The following MS4A5 variants were observed in gnomAD, a reference collection of about 807,000 sequenced individuals.
MS4A5 encodes membrane-spanning 4-domains subfamily A member 5.
MS4A5 carries 15 observed loss-of-function variants against 18.2 expected under a neutral mutation model. The ratio of observed to expected loss-of-function variants is 0.83; its 90% CI spans 0.55 to 1.27. The LOEUF (loss-of-function observed/expected upper bound fraction) is 1.27. Among genes scored for constraint, MS4A5 ranks in the 50% most tolerant of loss-of-function variants. MS4A5 has a pLI of 0.00. For missense variants in MS4A5, 232 were observed against 225.7 expected (o/e 1.03, Z -0.18); for synonymous variants, 89 against 78.7 (o/e 1.13, Z -0.69).
At chr11:60,444,544 C>A (rs1259188825) in intron 4 of MS4A5, among the ~76,000 whole-genome samples, 1 of 152,000 alleles carries the variant, frequency 6.6e-6, no homozygotes, top group Admixed American at 6.6e-5. Context: ...AGACCCACAT[C>A]CAGAATATAT....
At chr11:60,445,528 AG>A (rs2086134253) in intron 4 of MS4A5, among the ~76,000 whole-genome samples, 1 of 152,134 alleles carries the variant, frequency 6.6e-6, no homozygotes, top group South Asian at 2.1e-4. Flanking sequence ...CCAAAGTGCT[AG>A]GATTACAGGC....
chr11:60,432,457 C>T lies in MS4A5; in HGVS notation c.329C>T (p.Thr110Ile), dbSNP rs760538367. 1 of 1,585,628 alleles carries T rather than the reference C, an allele frequency of 6.3e-7. No homozygotes were observed. The highest frequency in any genetic ancestry group is 8.6e-7 in the Non-Finnish European group (1 of 1,157,026). ...CTAATTGCAGTGAAAAGAAAAACCA[C>T]AGAAACTCTGGTGAGTTATATTCTT... The part of the protein sequence containing the change: ...AFLIAVKRKT[T>I]ETLIILSRIM... The change falls in exon 3 of 5, where the codon ACA (threonine) becomes ATA (isoleucine). Residue 110 changes from threonine to isoleucine, a missense_variant. Coordinates refer to ENST00000300190, the MANE Select transcript of MS4A5 (RefSeq NM_023945.3).
intron 1 of MS4A5, 131 bp downstream of exon 1, chr11:60,429,958 TG>T: frequency 1.2e-6 from 1 of 859,028 alleles, no homozygotes; most frequent in Non-Finnish European, 1.7e-6. Flanking sequence ...TATAGAGTGT[TG>T]GTGGGCCATT....
intron 2 of MS4A5, among the ~76,000 whole-genome samples, chr11:60,431,899 G>C (rs1336213875): frequency 6.6e-6 from 1 of 152,154 alleles, no homozygotes. Context: ...AAACATGGAA[G>C]TGCTGTAATC....
chr11:60,438,525 A>G (rs1422207821), intron 4 of MS4A5, among the ~76,000 whole-genome samples: 4 of 152,178 alleles, frequency 2.6e-5, no homozygotes, highest in Non-Finnish European at 4.4e-5. Flanking sequence ...ATAGACTGCT[A>G]GCAAGACTAA....
chr11:60,437,756 C>G (rs1421324109), intron 4 of MS4A5, among the ~76,000 whole-genome samples: 1 of 151,412 alleles, frequency 6.6e-6, no homozygotes, highest in African/African-American at 2.4e-5. Flanking sequence ...AATACAGGAG[C>G]ACCAAGATTC....
At chr11:60,445,724 G>T (rs1209255260) in intron 4 of MS4A5, among the ~76,000 whole-genome samples, 1 of 152,156 alleles carries the variant, frequency 6.6e-6, no homozygotes, top group Admixed American at 6.5e-5. Flanking sequence ...TATGAGGAAA[G>T]AATTTACAAA....
At chr11:60,432,383 T>G (rs777423185) in intron 2 of MS4A5, 28 bp from the exon 3 acceptor site, 1 of 1,467,634 alleles carries the variant, frequency 6.8e-7, no homozygotes, top group Non-Finnish European at 9.4e-7. Context: ...AACATGGTCA[T>G]CATTAACATA....
chr11:60,446,113 G>A (rs1374282746), intron 4 of MS4A5, among the ~76,000 whole-genome samples: 2 of 152,076 alleles, frequency 1.3e-5, no homozygotes, highest in Non-Finnish European at 2.9e-5. Context: ...GAAAAAAAGA[G>A]GAAATCAATC....
At chr11:60,435,572 G>A (rs893369367) in intron 4 of MS4A5, 35 of 329,558 alleles carry the variant, frequency 1.1e-4, no homozygotes, top group African/African-American at 1.8e-4. Flanking sequence ...CAGTGGGTGC[G>A]TGCACCCTGC....
chr11:60,437,307 G>A (rs1262050744), intron 4 of MS4A5, among the ~76,000 whole-genome samples: 3 of 150,036 alleles, frequency 2.0e-5, no homozygotes, highest in Admixed American at 6.7e-5. Flanking sequence ...GGTACCAGCC[G>A]CTGCAAAATC....
chr11:60,447,520 A>G (rs1348672125), intron 4 of MS4A5, 129 bp from the exon 5 acceptor site: 1 of 602,050 alleles, frequency 1.7e-6, no homozygotes, highest in African/African-American at 1.9e-5. Flanking sequence ...ATTCCTAAGC[A>G]TCAGATACAC....
At chr11:60,432,246 T>C (rs2086052899) in intron 2 of MS4A5, among the ~76,000 whole-genome samples, 165 bp from the exon 3 acceptor site, 1 of 152,182 alleles carries the variant, frequency 6.6e-6, no homozygotes, top group South Asian at 2.1e-4. Context: ...TGTCCACTAT[T>C]CCATTTGTGG....
chr11:60,438,417 T>C (rs1317587141), intron 4 of MS4A5, among the ~76,000 whole-genome samples: 1 of 151,562 alleles, frequency 6.6e-6, no homozygotes, highest in Non-Finnish European at 1.5e-5. Context: ...AAGAAATAAC[T>C]AAAATCAGAG....
chr11:60,441,351 G>C (rs11230328), intron 4 of MS4A5, among the ~76,000 whole-genome samples: 97,137 of 106,622 alleles, frequency 0.91, 44,584 homozygotes, highest in Middle Eastern at 0.96. Context: ...GTGGGTGCAG[G>C]GCACCAGCAT....
At chr11:60,442,965 A>C (rs2086121827) in intron 4 of MS4A5, among the ~76,000 whole-genome samples, 1 of 152,152 alleles carries the variant, frequency 6.6e-6, no homozygotes, top group Non-Finnish European at 1.5e-5. Context: ...ACATGGTGAA[A>C]CACCATCTCT....
intron 2 of MS4A5, among the ~76,000 whole-genome samples, chr11:60,431,488 T>C (rs776285622): frequency 6.6e-6 from 1 of 152,160 alleles, no homozygotes; most frequent in Non-Finnish European, 1.5e-5. Context: ...GGCAGAGCAA[T>C]GGCTTCAGGG....
At chr11:60,441,597 C>T (rs1384819490) in intron 4 of MS4A5, among the ~76,000 whole-genome samples, 1 of 140,392 alleles carries the variant, frequency 7.1e-6, no homozygotes, top group Admixed American at 7.3e-5. Context: ...GTCTGAAATA[C>T]TCCTCAATAA....
chr11:60,429,923 C>A, intron 1 of MS4A5, 96 bp downstream of exon 1: 1 of 1,173,626 alleles, frequency 8.5e-7, no homozygotes. Context: ...GAGCCTATTC[C>A]AATTCTTCTT....
Sources: allele counts gnomAD v4.1 joint callset (sites outside exome capture counted in the v4.1 genomes callset), GRCh38; gene constraint gnomAD v4.1.1; transcripts MANE v1.5; gene names NCBI Gene and HGNC (gene_info 2026-07-23, HGNC 2026-07-21).